The following DCX variants were observed in gnomAD, a reference collection of about 807,000 sequenced individuals.
DCX encodes doublecortin.
DCX carries 4 observed loss-of-function variants against 20.9 expected under a neutral mutation model. That is an observed-to-expected ratio of 0.19 (90% CI 0.09 to 0.44). The LOEUF is 0.44. Ranked by LOEUF, DCX falls within the 20% of genes least tolerant of loss-of-function variation. DCX has a pLI of 0.99. For missense variants in DCX, 133 were observed against 296.9 expected (o/e 0.45, Z 4.06); for synonymous variants, 103 against 111.4 (o/e 0.92, Z 0.47).
At chrX:111,390,645 T>C (rs949048229) in intron 3 of DCX, among the ~76,000 whole-genome samples, 6 of 111,290 alleles carry the variant, frequency 5.4e-5, no homozygotes, top group Non-Finnish European at 9.4e-5. Flanking sequence ...CTTCCTGAAA[T>C]TCAAAACAAC....
chrX:111,309,550 G>T (rs2147587737), intron 6 of DCX, among the ~76,000 whole-genome samples: 1 of 111,990 alleles, frequency 8.9e-6, no homozygotes, highest in African/African-American at 3.2e-5. Context: ...TTCATTACTG[G>T]TGGTGTAAGC....
At chrX:111,335,470 A>C (rs1921632192) in intron 3 of DCX, among the ~76,000 whole-genome samples, 1 of 112,553 alleles carries the variant, frequency 8.9e-6, no homozygotes, top group Non-Finnish European at 1.9e-5. Context: ...AAGACAGAAA[A>C]GTAGGAATAA....
intron 3 of DCX, among the ~76,000 whole-genome samples, chrX:111,399,562 G>A (rs956322895): frequency 1.8e-5 from 2 of 112,098 alleles, no homozygotes; most frequent in African/African-American, 6.5e-5. Flanking sequence ...TAGAGTGATT[G>A]TAGAGGATAT....
chrX:111,372,726 T>C (rs768944279), intron 3 of DCX, among the ~76,000 whole-genome samples: 24 of 111,625 alleles, frequency 2.2e-4, no homozygotes, highest in African/African-American at 6.5e-4. Flanking sequence ...AGAGGAAGCA[T>C]GGTGACAGCT....
chrX:111,375,813 T>G (rs1194962940), intron 3 of DCX, among the ~76,000 whole-genome samples: 1 of 112,074 alleles, frequency 8.9e-6, no homozygotes, highest in East Asian at 2.8e-4. Context: ...ATTATCAAAT[T>G]CATTAGGTTT....
intron 3 of DCX, among the ~76,000 whole-genome samples, chrX:111,387,055 G>C (rs940013832): frequency 8.9e-6 from 1 of 111,826 alleles, no homozygotes; most frequent in Middle Eastern, 4.6e-3. Flanking sequence ...CACATTCTTA[G>C]ACTAAACCTT....
At chrX:111,392,880 A>C (rs1317965545) in intron 3 of DCX, among the ~76,000 whole-genome samples, 1 of 111,587 alleles carries the variant, frequency 9.0e-6, no homozygotes, top group Admixed American at 9.5e-5. Context: ...AGAAGTGTAT[A>C]GGATATTTGA....
intron 5 of DCX, among the ~76,000 whole-genome samples, chrX:111,318,190 A>G (rs779797914): frequency 0.01 from 1,076 of 104,990 alleles, 10 homozygotes; most frequent in Non-Finnish European, 0.016. Context: ...GTCTCAAAAA[A>G]AAAAAAAAAA....
intron 3 of DCX, among the ~76,000 whole-genome samples, chrX:111,341,802 A>G (rs921904779): frequency 6.3e-5 from 7 of 111,355 alleles, no homozygotes; most frequent in African/African-American, 2.3e-4. Context: ...GAGAAATAAA[A>G]TCATTTCCAG....
chrX:111,329,185 T>C lies in DCX; in HGVS notation c.946+1719A>G, dbSNP rs369469288. ...AGCCCAGGTGTTAAAACCTAGGTCT[T>C]TGTAGTTTCAGCAATATAAATTTGC... On this transcript the variant is annotated intron_variant, in intron 5 of 6. Transcript: ENST00000636035. 3.6e-5 allele frequency among the ~76,000 whole-genome samples: 4 copies of C among 112,268 alleles called. No individual in the cohort carries two copies. In the East Asian group the frequency reaches 1.1e-3, roughly 31 times the overall value.
At chrX:111,313,988 T>A (rs973989705) in intron 5 of DCX, among the ~76,000 whole-genome samples, 4 of 111,154 alleles carry the variant, frequency 3.6e-5, no homozygotes, top group African/African-American at 1.3e-4. Context: ...AGTGTTCCTG[T>A]CAGTCCCATA....
chrX:111,328,509 A>G (rs982103371), intron 5 of DCX, among the ~76,000 whole-genome samples: 4 of 111,638 alleles, frequency 3.6e-5, no homozygotes, highest in Non-Finnish European at 5.6e-5. Context: ...AAGAGGATCT[A>G]TTTACTTCAA....
chrX:111,355,633 T>C (rs1469122247), intron 3 of DCX, among the ~76,000 whole-genome samples: 1 of 111,639 alleles, frequency 9.0e-6, no homozygotes, highest in Non-Finnish European at 1.9e-5. Flanking sequence ...ATTTTTGTAC[T>C]GAGGCTACAC....
chrX:111,410,749 C>T (rs1418714735), intron 1 of DCX: 1 of 1,207,154 alleles, frequency 8.3e-7, no homozygotes, highest in East Asian at 3.0e-5. Flanking sequence ...AATCCTGAGA[C>T]TTACTGACAG....
At chrX:111,371,439 G>T (rs999732717) in intron 3 of DCX, among the ~76,000 whole-genome samples, 8 of 111,432 alleles carry the variant, frequency 7.2e-5, no homozygotes, top group African/African-American at 2.6e-4. Context: ...GAGTCCAAAA[G>T]CTTGAAGCCA....
intron 3 of DCX, among the ~76,000 whole-genome samples, chrX:111,374,448 T>C (rs1201558459): frequency 8.9e-6 from 1 of 111,732 alleles, no homozygotes; most frequent in African/African-American, 3.3e-5. Context: ...TGTGGCATTA[T>C]CTTGTAAAAT....
In DCX at chrX:111,298,096, T is replaced by C. The variant is rs781483602; in HGVS notation, c.*3591A>G. 6.3e-5 allele frequency: 7 copies of C among 111,930 alleles called. No homozygotes were observed. Among genetic ancestry groups the C allele is most frequent in the Non-Finnish European group, 1.1e-4 (6 of 53,118 alleles). 9.2% of individuals were successfully genotyped at this position (111,930 alleles called of 1,213,427 possible). A position where few individuals can be genotyped will look rare whatever the true frequency, so the allele number is the denominator to read the frequency against. On this transcript the variant is annotated 3_prime_UTR_variant, in exon 7 of 7. Coordinates refer to ENST00000636035, the MANE Select transcript of DCX (RefSeq NM_001195553.2). ...CAGAAAGTTAGGATGAACAAAGCTA[T>C]TGTTCCACTCTTTCTTTTTCTACTC...
At chrX:111,410,850 G>T in intron 1 of DCX, 2 of 1,211,145 alleles carry the variant, frequency 1.7e-6, no homozygotes, top group Non-Finnish European at 2.2e-6. Context: ...AGTTGTAAAT[G>T]AATCCATAGC....
rs751516162 is a variant in DCX, at chrX:111,357,842, T to C, written c.706-24689A>G. On this transcript the variant is annotated intron_variant, in intron 3 of 6. Transcript: ENST00000636035. ...GCTCTTTTTATTTTTTATTTTTATT[T>C]TTGCAGACAGAGTCTCACTCTGTCA... is the stretch of plus-strand genomic sequence containing the variant. Among the ~76,000 whole-genome samples, 347 of 111,641 alleles carry C rather than the reference T, an allele frequency of 3.1e-3. 3 individuals are homozygous for C. The highest frequency in any genetic ancestry group is 0.01 in the African/African-American group (321 of 30,814).
Sources: gnomAD v4.1 joint callset for allele counts (sites outside exome capture counted in the v4.1 genomes callset) on GRCh38, gnomAD v4.1.1 for gene constraint, MANE v1.5 for transcripts, NCBI Gene and HGNC (gene_info 2026-07-23, HGNC 2026-07-21) for gene names.